HIF3A: variants seen among roughly 807,000 people sequenced by gnomAD.
HIF3A encodes hypoxia inducible factor 3 subunit alpha, also known as hypoxia-inducible factor 3-alpha.
A neutral mutation model predicts 67.2 loss-of-function variants in HIF3A; 41 were observed. That is an observed-to-expected ratio of 0.61 (90% CI 0.48 to 0.79). The LOEUF (loss-of-function observed/expected upper bound fraction) is 0.79, where lower values mean the gene tolerates loss of function less well. HIF3A is among the 30% of genes least tolerant of loss of function. The pLI, the probability that HIF3A is intolerant of heterozygous loss-of-function variation, is 0.00. For missense variants in HIF3A, 855 were observed against 898.0 expected (o/e 0.95, Z 0.61); for synonymous variants, 356 against 374.8 (o/e 0.95, Z 0.58).
In HIF3A at chr19:46,334,863, AATG is replaced by A. The variant is rs141428520; in HGVS notation, c.1831-29_1831-27del. 770 of 1,502,368 alleles carry A rather than the reference AATG, an allele frequency of 5.1e-4. 1 individual carries two copies. The highest frequency in any genetic ancestry group is 4.8e-3 in the African/African-American group (347 of 72,832). 93.1% of individuals were successfully genotyped at this position (1,502,368 alleles called of 1,614,324 possible). On this transcript the variant is annotated intron_variant, in intron 13 of 14. Transcript: ENST00000377670. ...CACTCCCGGCTGTTCCTTGGATACT[AATG>A]ATGATGATGATGGTGGTGGCTTTGT...
chr19:46,333,172 C>A (rs1021189911), intron 13 of HIF3A, among the ~76,000 whole-genome samples: 1 of 152,146 alleles, frequency 6.6e-6, no homozygotes, highest in Admixed American at 6.5e-5. Flanking sequence ...TTGAAATGTT[C>A]TTGTTACTGT....
intron 13 of HIF3A, among the ~76,000 whole-genome samples, chr19:46,333,532 C>T (rs1481096048): frequency 1.3e-5 from 2 of 152,018 alleles, no homozygotes; most frequent in African/African-American, 2.4e-5. Context: ...CAGGATCACA[C>T]GGAGCAAAGT....
chr19:46,334,654 C>G lies in HIF3A; in HGVS notation c.1831-251C>G, dbSNP rs1252827735. ...CCTCAGCCTCCTGGTCTCAAGGGAT[C>G]CTCTCACCTCAGCCTCCTAAGTAAC... is the stretch of plus-strand genomic sequence containing the variant. On this transcript the variant is annotated intron_variant, in intron 13 of 14. Coordinates refer to ENST00000377670, the MANE Select transcript of HIF3A (RefSeq NM_152795.4). Among the ~76,000 whole-genome samples the G allele has an allele frequency of 2.0e-5, 3 of 152,048 alleles. No individual in the cohort carries two copies. In the East Asian group the frequency reaches 5.8e-4, roughly 29 times the overall value.
At chr19:46,333,589 AAGG>A (rs768515410) in intron 13 of HIF3A, among the ~76,000 whole-genome samples, 4 of 152,004 alleles carry the variant, frequency 2.6e-5, no homozygotes, top group East Asian at 1.9e-4. Context: ...GCGAAGGAAG[AAGG>A]AGAAGGGGGA....
At chr19:46,320,604 G>A (rs1306012120) in intron 9 of HIF3A, 43 bp downstream of exon 9, 3 of 1,481,766 alleles carry the variant, frequency 2.0e-6, no homozygotes, top group Non-Finnish European at 2.8e-6. Context: ...TGTCCCCAGG[G>A]CCCTTGGGAG....
intron 4 of HIF3A, 21 bp from the exon 5 acceptor site, chr19:46,308,642 G>A (rs201649560): frequency 1.5e-5 from 23 of 1,492,962 alleles, no homozygotes; most frequent in East Asian, 4.7e-5. Flanking sequence ...TGACCTCCCC[G>A]CTGCCCCCGG....
intron 3 of HIF3A, among the ~76,000 whole-genome samples, chr19:46,306,034 G>A (rs1968820265): frequency 6.6e-6 from 1 of 152,130 alleles, no homozygotes; most frequent in Non-Finnish European, 1.5e-5. Context: ...AGCCAAGATT[G>A]CACCAGTACA....
chr19:46,311,922 T>G, intron 6 of HIF3A: 1 of 712,836 alleles, frequency 1.4e-6, no homozygotes, highest in East Asian at 2.5e-5. Flanking sequence ...AAAGTCCCTT[T>G]AGCCACGTAA....
Position 46,329,204 on chromosome 19 carries a change from C to T in HIF3A, c.1441-3C>T. On this transcript the variant is annotated splice_polypyrimidine_tract_variant and splice_region_variant and intron_variant, in intron 11 of 14. Coordinates refer to ENST00000377670, the MANE Select transcript of HIF3A (RefSeq NM_152795.4). ...CCTCTTACCTCCCTCCTGCCCTCCG[C>T]AGGATGCTGATGCTCTGGATTTGGA... 6.3e-7 allele frequency: 1 copy of T among 1,597,356 alleles called. No individual in the cohort carries two copies. Among genetic ancestry groups the T allele is most frequent in the Non-Finnish European group, 8.5e-7 (1 of 1,169,984 alleles).
At chr19:46,300,490 G>A (rs1227964799) in intron 1 of HIF3A, among the ~76,000 whole-genome samples, 5 of 152,098 alleles carry the variant, frequency 3.3e-5, no homozygotes, top group African/African-American at 1.2e-4. Context: ...GTGAAACCCT[G>A]TCTCTACTAA....
chr19:46,322,229 C>T (rs1477769241), intron 10 of HIF3A, among the ~76,000 whole-genome samples: 1 of 152,090 alleles, frequency 6.6e-6, no homozygotes, highest in Admixed American at 6.6e-5. Flanking sequence ...ATGCAACAAT[C>T]GTCAACACAG....
At chr19:46,318,682 G>A (rs545692559) in intron 8 of HIF3A, among the ~76,000 whole-genome samples, 119 of 151,604 alleles carry the variant, frequency 7.8e-4, no homozygotes, top group African/African-American at 2.7e-3. Context: ...GTGCAGTGGC[G>A]TGATCTCGGC....
intron 12 of HIF3A, 104 bp downstream of exon 12, chr19:46,329,582 C>T (rs1464149324): frequency 7.5e-7 from 1 of 1,328,880 alleles, no homozygotes; most frequent in Non-Finnish European, 9.8e-7. Context: ...TAACCCTGAT[C>T]TCTGCTCCAG....
Position 46,325,532 on chromosome 19 carries a change from CA to C in HIF3A, c.1336-2del. 1 of 1,608,796 alleles carries C rather than the reference CA, an allele frequency of 6.2e-7. No homozygotes were observed. The highest frequency in any genetic ancestry group is 8.5e-7 in the Non-Finnish European group (1 of 1,176,500). On this transcript the variant is annotated splice_acceptor_variant, in intron 10 of 14. Transcript: ENST00000377670. LOFTEE classifies it high-confidence loss of function. ...CTGAAGTTTCTACTCCATCTCTCCACAGGCTGATCTCCCAGATGAACTACCT... is the reference window on the plus strand; with the variant it reads ...CTGAAGTTTCTACTCCATCTCTCCACGGCTGATCTCCCAGATGAACTACCT...
chr19:46,306,569 A>T (rs1968872182), intron 3 of HIF3A: 1 of 152,266 alleles, frequency 6.6e-6, no homozygotes, highest in African/African-American at 2.4e-5. Context: ...ATGCTGCCTA[A>T]GCAAGCATAG....
chr19:46,327,430 G>A (rs78567612), intron 11 of HIF3A, among the ~76,000 whole-genome samples: 8,955 of 151,454 alleles, frequency 0.059, 366 homozygotes, highest in South Asian at 0.11. Flanking sequence ...ATTCTCTGGC[G>A]TCAGCCTCCT....
Position 46,308,761 on chromosome 19 carries a change from G to A in HIF3A, c.547G>A (p.Ala183Thr). The A allele has an allele frequency of 1.2e-6, 2 of 1,606,492 alleles. No homozygotes were observed. Among genetic ancestry groups the A allele is most frequent in the South Asian group, 1.1e-5 (1 of 89,866 alleles). The change falls in exon 5 of 15, where the codon GCG becomes ACG. Residue 183 changes from alanine to threonine, a missense_variant. By Grantham distance (58) the Ala-to-Thr change is moderately conservative. Around this residue, in one of 3 missense-constraint regions of HIF3A, gnomAD observed 638 missense variants for 660.5 expected, o/e 0.97. Transcript: ENST00000377670. Reference sequence around the variant, plus strand: ...CCGCGGGCGCACCCTCAACCTCAAGGCGGCCACCTGGAAGGTGCGTGGGGC... The same window carrying A: ...CCGCGGGCGCACCCTCAACCTCAAGACGGCCACCTGGAAGGTGCGTGGGGC... The part of the protein sequence containing the change: ...TSRGRTLNLK[A>T]ATWKVLNCSG...
intron 1 of HIF3A, among the ~76,000 whole-genome samples, chr19:46,301,673 A>G (rs954084161): frequency 2.6e-5 from 4 of 151,978 alleles, no homozygotes; most frequent in Non-Finnish European, 5.9e-5. Flanking sequence ...TAAAAATACA[A>G]AAATTAGCCG....
rs1167215959 is a variant in HIF3A at position 46,297,545 on chromosome 19, G to T, written c.26+443G>T. On this transcript the variant is annotated intron_variant, in intron 1 of 14. Coordinates refer to ENST00000377670, the MANE Select transcript of HIF3A (RefSeq NM_152795.4). The surrounding 1 kb of genome is among the most constrained non-coding windows in gnomAD (Gnocchi z 4.5). Reference sequence around the variant, plus strand: ...GTGCCTGGGATCCTAGGTGATATGGGATACCCCTAAATGGAGCCTTCCCAC... The same window carrying T: ...GTGCCTGGGATCCTAGGTGATATGGTATACCCCTAAATGGAGCCTTCCCAC... Among the ~76,000 whole-genome samples, 1 of 152,060 alleles carries T rather than the reference G, an allele frequency of 6.6e-6. No individual in the cohort carries two copies. Among genetic ancestry groups the T allele is most frequent in the Non-Finnish European group, 1.5e-5 (1 of 67,986 alleles).
Sources: allele counts gnomAD v4.1 joint callset (sites outside exome capture counted in the v4.1 genomes callset), GRCh38; gene constraint gnomAD v4.1.1; regional missense constraint gnomAD v4.1.1; non-coding constraint Gnocchi (gnomAD v3.1); transcripts MANE v1.5; gene names NCBI Gene and HGNC (gene_info 2026-07-23, HGNC 2026-07-21).